Variants in WWOX observed in about 807,000 individuals in gnomAD.
WWOX encodes the protein WW domain containing oxidoreductase, also known as WW domain-containing oxidoreductase.
A neutral mutation model predicts 46.2 loss-of-function variants in WWOX; 69 were observed. That is an observed-to-expected ratio of 1.49 (90% confidence interval 1.23 to 1.82). The LOEUF (loss-of-function observed/expected upper bound fraction) is 1.82, where lower values mean the gene tolerates loss of function less well. Ranked by LOEUF, WWOX falls within the 40% of genes most tolerant of loss-of-function variation. The probability of loss-of-function intolerance (pLI) is 0.00; values close to 1 mark genes in which losing one functional copy is unlikely to be tolerated. For missense variants in WWOX, 919 were observed against 542.6 expected (o/e 1.69, Z -6.89); for synonymous variants, 359 against 202.6 (o/e 1.77, Z -6.56).
intron 5 of WWOX, among the ~76,000 whole-genome samples, chr16:78,366,537 C>G (rs563602016): frequency 3.2e-4 from 48 of 152,298 alleles, no homozygotes; most frequent in African/African-American, 1.2e-3. Context: ...CACTCTTATT[C>G]TAAAATAGTG....
intron 8 of WWOX, among the ~76,000 whole-genome samples, chr16:78,836,857 C>T (rs1462678851): frequency 2.6e-5 from 4 of 152,068 alleles, no homozygotes; most frequent in African/African-American, 9.7e-5. Context: ...AATCTCTTAG[C>T]ATAGGGGGCC....
chr16:78,739,427 C>T (rs2049164084), intron 8 of WWOX, among the ~76,000 whole-genome samples: 1 of 152,144 alleles, frequency 6.6e-6, no homozygotes, highest in Admixed American at 6.5e-5. Flanking sequence ...AGGCACACTA[C>T]ACATCTTCGG....
rs192840977 is a variant in WWOX at position 78,402,540 on chromosome 16, G to A, written c.605+15592G>A. Among the ~76,000 whole-genome samples the A allele has an allele frequency of 4.4e-3, 665 of 152,156 alleles. 18 individuals carry two copies. Among genetic ancestry groups the A allele is most frequent in the Admixed American group, 0.039 (602 of 15,272 alleles). On this transcript the variant is annotated intron_variant, in intron 6 of 8. Coordinates refer to ENST00000566780, the MANE Select transcript of WWOX (RefSeq NM_016373.4). ...AGGTCCGTAGAAATTGGGGGCTTCA[G>A]CACTTCCCCCAAGCTCAACACCAAC... is the stretch of plus-strand genomic sequence containing the variant.
intron 8 of WWOX, among the ~76,000 whole-genome samples, chr16:78,904,626 A>G (rs1486671677): frequency 6.6e-6 from 1 of 152,060 alleles, no homozygotes; most frequent in Non-Finnish European, 1.5e-5. Flanking sequence ...TGGTGCTATG[A>G]TTACAGTGAC....
intron 8 of WWOX, among the ~76,000 whole-genome samples, chr16:79,030,124 T>C (rs1387356056): frequency 1.3e-5 from 2 of 152,184 alleles, no homozygotes; most frequent in African/African-American, 4.8e-5. Context: ...GAGCTTATTG[T>C]TCACCAGAAT....
At chr16:79,067,004 C>T (rs2048453762) in intron 8 of WWOX, among the ~76,000 whole-genome samples, 1 of 152,126 alleles carries the variant, frequency 6.6e-6, no homozygotes, top group African/African-American at 2.4e-5. Context: ...ATTCTGCATG[C>T]CACAGTTAAG....
chr16:78,456,611 T>C (rs1176182196), intron 8 of WWOX, among the ~76,000 whole-genome samples: 1 of 152,232 alleles, frequency 6.6e-6, no homozygotes, highest in Non-Finnish European at 1.5e-5. Context: ...AGTTCATTTT[T>C]ATAAAAAAAT....
chr16:78,499,170 G>A (rs143306435), intron 8 of WWOX, among the ~76,000 whole-genome samples: 2 of 151,954 alleles, frequency 1.3e-5, no homozygotes, highest in Admixed American at 6.6e-5. Flanking sequence ...GTGATAGTGC[G>A]TATCTAACAC....
At chr16:79,129,142 ATC>A (rs2049822940) in intron 8 of WWOX, among the ~76,000 whole-genome samples, 1 of 152,166 alleles carries the variant, frequency 6.6e-6, no homozygotes, top group East Asian at 1.9e-4. Context: ...TGCCTCCTGT[ATC>A]TCAGTAGGCA....
chr16:78,774,805 C>T (rs1020170608), intron 8 of WWOX, among the ~76,000 whole-genome samples: 1 of 152,274 alleles, frequency 6.6e-6, no homozygotes, highest in Admixed American at 6.5e-5. Context: ...CTGTGAGGTG[C>T]TCCCAGGAGA....
chr16:78,499,395 C>G (rs1270234592), intron 8 of WWOX, among the ~76,000 whole-genome samples: 1 of 152,344 alleles, frequency 6.6e-6, no homozygotes, highest in African/African-American at 2.4e-5. Context: ...GTGATAGTCT[C>G]ATAGTCTTAT....
rs66999008 is a variant in WWOX at position 78,370,980 on chromosome 16, CT to C, written c.517-15864del. ...TTGCTCTGAGACTGTGTTGTGATTT[CT>C]TTTTTTTTTTTTTTTACTTGTTTGT... On this transcript the variant is annotated intron_variant, in intron 5 of 8. Coordinates refer to ENST00000566780, the MANE Select transcript of WWOX (RefSeq NM_016373.4). Among the ~76,000 whole-genome samples, 407 of 134,370 alleles carry C rather than the reference CT, an allele frequency of 3.0e-3. 2 individuals carry two copies. Among genetic ancestry groups the C allele is most frequent in the African/African-American group, 6.4e-3 (234 of 36,320 alleles). 88.2% of individuals were successfully genotyped at this position (134,370 alleles called of 152,430 possible).
chr16:78,128,606 T>C (rs771489679), intron 4 of WWOX, among the ~76,000 whole-genome samples: 1 of 152,196 alleles, frequency 6.6e-6, no homozygotes, highest in Non-Finnish European at 1.5e-5. Context: ...TCCTTGCTTA[T>C]ATAACATCAA....
chr16:78,695,703 G>A (rs1035887620), intron 8 of WWOX, among the ~76,000 whole-genome samples: 1 of 152,232 alleles, frequency 6.6e-6, no homozygotes, highest in African/African-American at 2.4e-5. Context: ...TCAAAGGAAT[G>A]AAGGATCAAG....
intron 8 of WWOX, among the ~76,000 whole-genome samples, chr16:79,021,201 A>G (rs2550716): frequency 0.78 from 118,056 of 152,182 alleles, 46,460 homozygotes; most frequent in East Asian, 0.95. Context: ...GCAAATCTAC[A>G]TGCAGTAAAA....
At chr16:78,305,869 T>G (rs2080125445) in intron 5 of WWOX, among the ~76,000 whole-genome samples, 1 of 152,094 alleles carries the variant, frequency 6.6e-6, no homozygotes, top group African/African-American at 2.4e-5. Flanking sequence ...TTCTTTTTCT[T>G]TTTTTTGGTT....
At chr16:78,530,727 C>A (rs1597219879) in intron 8 of WWOX, among the ~76,000 whole-genome samples, 1 of 152,212 alleles carries the variant, frequency 6.6e-6, no homozygotes, top group Non-Finnish European at 1.5e-5. Flanking sequence ...CCCAGAATTT[C>A]CCTGCCTCCT....
chr16:78,776,577 C>G (rs2050195181), intron 8 of WWOX, among the ~76,000 whole-genome samples: 9 of 152,090 alleles, frequency 5.9e-5, no homozygotes, highest in Admixed American at 5.9e-4. Context: ...ATGGAATGAA[C>G]AGATTTGGAG....
intron 5 of WWOX, chr16:78,270,467 C>G (rs1447871911): frequency 6.6e-6 from 1 of 152,250 alleles, no homozygotes; most frequent in African/African-American, 2.4e-5. Flanking sequence ...GGCTCCTCAG[C>G]CATGACTGAA....
Sources: gnomAD v4.1 joint callset for allele counts (sites outside exome capture counted in the v4.1 genomes callset) on GRCh38, gnomAD v4.1.1 for gene constraint, MANE v1.5 for transcripts, NCBI Gene and HGNC (gene_info 2026-07-23, HGNC 2026-07-21) for gene names.